Variants in KLF17 observed in about 807,000 individuals in gnomAD.
KLF17 encodes Krueppel-like factor 17.
Under a neutral mutation model 34.2 loss-of-function variants are expected in KLF17, and 31 were observed. The ratio of observed to expected loss-of-function variants is 0.91; its 90% confidence interval spans 0.68 to 1.22. The LOEUF (loss-of-function observed/expected upper bound fraction) is 1.22. Ranked by LOEUF, KLF17 falls within the 50% of genes most tolerant of loss-of-function variation. KLF17 has a pLI of 0.00. For missense variants in KLF17, 478 were observed against 505.2 expected (o/e 0.95, Z 0.52); for synonymous variants, 179 against 186.7 (o/e 0.96, Z 0.34).
the KLF17 span, among the ~76,000 whole-genome samples, chr1:44,083,494 AG>A: frequency 6.6e-6 from 1 of 152,216 alleles, no homozygotes; most frequent in East Asian, 1.9e-4. Context: ...TAAGGCTAAA[AG>A]CTCATGAAAT....
the KLF17 span, among the ~76,000 whole-genome samples, chr1:44,091,313 C>CTA: frequency 2.0e-5 from 3 of 151,968 alleles, no homozygotes; most frequent in Non-Finnish European, 4.4e-5. Context: ...ATCTGCATGT[C>CTA]TAAATTCAGT....
intron 1 of KLF17, chr1:44,122,120 C>G: frequency 7.7e-7 from 1 of 1,301,930 alleles, no homozygotes. Flanking sequence ...TCCCAAATCC[C>G]GTATGACTTT....
At chr1:44,102,046 A>AAAAC in the KLF17 span, among the ~76,000 whole-genome samples, 7 of 151,468 alleles carry the variant, frequency 4.6e-5, no homozygotes, top group South Asian at 4.2e-4. Flanking sequence ...CCCTGTCTCA[A>AAAAC]AAACAAACAA....
At chr1:44,081,357 C>G in the KLF17 span, among the ~76,000 whole-genome samples, 345 of 150,814 alleles carry the variant, frequency 2.3e-3, 1 homozygote, top group African/African-American at 7.8e-3. Context: ...TAGGTTTAAA[C>G]GAAGCTTAGC....
At chr1:44,123,471 C>T (rs2087973311) in intron 1 of KLF17, among the ~76,000 whole-genome samples, 1 of 152,084 alleles carries the variant, frequency 6.6e-6, no homozygotes, top group African/African-American at 2.4e-5. Context: ...ATAATGTCCC[C>T]GATTTCATTT....
chr1:44,096,812 T>G, the KLF17 span, among the ~76,000 whole-genome samples: 49,384 of 151,964 alleles, frequency 0.32, 8,176 homozygotes, highest in South Asian at 0.38. Context: ...CTTTTCCTGT[T>G]CAGAAGCTCT....
intron 1 of KLF17, among the ~76,000 whole-genome samples, chr1:44,127,090 G>A (rs976079743): frequency 3.2e-5 from 4 of 125,838 alleles, no homozygotes; most frequent in Non-Finnish European, 6.8e-5. Context: ...TTAATTCTTT[G>A]TAGAGATGAG....
the KLF17 span, among the ~76,000 whole-genome samples, chr1:44,067,389 C>T: frequency 2.6e-5 from 4 of 152,036 alleles, no homozygotes; most frequent in African/African-American, 4.8e-5. Flanking sequence ...GCATCTTGGG[C>T]GATACTGGTT....
At chr1:44,089,579 A>G in the KLF17 span, among the ~76,000 whole-genome samples, 3 of 152,136 alleles carry the variant, frequency 2.0e-5, no homozygotes, top group Non-Finnish European at 4.4e-5. Context: ...CTGGGCAACA[A>G]GTTCTTCCTT....
At chr1:44,080,813 C>T in the KLF17 span, among the ~76,000 whole-genome samples, 3 of 146,660 alleles carry the variant, frequency 2.0e-5, no homozygotes, top group Non-Finnish European at 4.5e-5. Context: ...CTCCTAGGCT[C>T]AAACAATCCT....
the KLF17 span, among the ~76,000 whole-genome samples, chr1:44,090,630 C>T: frequency 2.6e-5 from 4 of 152,088 alleles, no homozygotes; most frequent in African/African-American, 4.8e-5. Flanking sequence ...AGAAACAACA[C>T]GAAAACGAAT....
At chr1:44,071,367 C>T in the KLF17 span, among the ~76,000 whole-genome samples, 6 of 152,184 alleles carry the variant, frequency 3.9e-5, no homozygotes, top group African/African-American at 1.4e-4. Flanking sequence ...AAATATCTTC[C>T]CAGCTCACCC....
At chr1:44,113,187 G>A in the KLF17 span, among the ~76,000 whole-genome samples, 2 of 152,158 alleles carry the variant, frequency 1.3e-5, no homozygotes, top group East Asian at 3.9e-4. Context: ...GATTTCTTGA[G>A]CCCAAGAGTT....
intron 1 of KLF17, among the ~76,000 whole-genome samples, chr1:44,127,610 C>CTTTCTTTTCT (rs768363404): frequency 1.6e-4 from 14 of 89,448 alleles, no homozygotes; most frequent in African/African-American, 5.3e-4. Flanking sequence ...CCCTTTCTTT[C>CTTTCTTTTCT]TTTCTTTTCT....
the KLF17 span, among the ~76,000 whole-genome samples, chr1:44,045,750 C>T: frequency 3.3e-5 from 5 of 152,318 alleles, no homozygotes; most frequent in East Asian, 9.6e-4. Flanking sequence ...GCTTTCTCAA[C>T]ATACTTTCAC....
At chr1:44,058,179 T>A in the KLF17 span, among the ~76,000 whole-genome samples, 2 of 152,214 alleles carry the variant, frequency 1.3e-5, no homozygotes, top group African/African-American at 4.8e-5. Context: ...CCTGGAGACC[T>A]CAATCCTTGG....
At chr1:44,132,241 G>A (rs1424765596) in intron 3 of KLF17, among the ~76,000 whole-genome samples, 1 of 152,166 alleles carries the variant, frequency 6.6e-6, no homozygotes, top group African/African-American at 2.4e-5. Context: ...GGGAGGTGGA[G>A]GTTGCGGTGA....
At chr1:44,089,583 C>T in the KLF17 span, among the ~76,000 whole-genome samples, 1 of 152,146 alleles carries the variant, frequency 6.6e-6, no homozygotes, top group African/African-American at 2.4e-5. Flanking sequence ...GCAACAAGTT[C>T]TTCCTTGAAG....
the KLF17 span, among the ~76,000 whole-genome samples, chr1:44,093,835 C>T: frequency 2.0e-5 from 3 of 152,244 alleles, no homozygotes; most frequent in Non-Finnish European, 4.4e-5. Context: ...TAAGATTTCT[C>T]TCTGCGTCTG....
Sources: allele counts gnomAD v4.1 joint callset (sites outside exome capture counted in the v4.1 genomes callset), GRCh38; gene constraint gnomAD v4.1.1; transcripts MANE v1.5; gene names NCBI Gene and HGNC (gene_info 2026-07-23, HGNC 2026-07-21).